The following RASAL2 variants were observed in gnomAD, a reference collection of about 807,000 sequenced individuals.
The protein encoded by RASAL2 is RAS protein activator like 2, also known as ras GTPase-activating protein nGAP.
A neutral mutation model predicts 128.9 loss-of-function variants in RASAL2; 58 were observed. The observed-to-expected ratio is 0.45, with a 90% CI of 0.36 to 0.56. The LOEUF is 0.56. Among genes scored for constraint, RASAL2 ranks in the 20% least tolerant of loss-of-function variants. The probability of loss-of-function intolerance (pLI) is 0.00; values close to 1 mark genes in which losing one functional copy is unlikely to be tolerated. For synonymous variants in RASAL2, 561 were observed against 580.8 expected (o/e 0.97, Z 0.49); for missense variants, 1,360 against 1,601.6 (o/e 0.85, Z 2.57).
chr1:178,104,092 G>A (rs1316899116), intron 1 of RASAL2, among the ~76,000 whole-genome samples: 1 of 151,868 alleles, frequency 6.6e-6, no homozygotes, highest in African/African-American at 2.4e-5. Flanking sequence ...TTCTCTCTTG[G>A]TTTATCTAGT....
At chr1:178,109,383 C>T (rs1466496792) in intron 1 of RASAL2, among the ~76,000 whole-genome samples, 3 of 152,110 alleles carry the variant, frequency 2.0e-5, no homozygotes, top group Admixed American at 6.5e-5. Context: ...ATTATAGGTG[C>T]ATGCTTCTCT....
At chr1:178,368,421 A>G (rs887970005) in intron 3 of RASAL2, among the ~76,000 whole-genome samples, 1 of 152,212 alleles carries the variant, frequency 6.6e-6, no homozygotes, top group East Asian at 1.9e-4. Flanking sequence ...ATGCATATAT[A>G]CAGACATGCA....
intron 1 of RASAL2, among the ~76,000 whole-genome samples, chr1:178,132,626 G>T (rs1471239075): frequency 6.6e-6 from 1 of 152,142 alleles, no homozygotes; most frequent in African/African-American, 2.4e-5. Context: ...AAGTTGAGGA[G>T]AAATCTCTTT....
At chr1:178,470,565 A>G (rs1001821890) in intron 17 of RASAL2, 2 of 601,360 alleles carry the variant, frequency 3.3e-6, no homozygotes, top group Admixed American at 2.5e-5. Flanking sequence ...GCATGAGGAG[A>G]CACTGTGGCT....
At chr1:178,371,335 C>CACACACACACACAAAT (rs1557936980) in intron 3 of RASAL2, among the ~76,000 whole-genome samples, 12 of 140,100 alleles carry the variant, frequency 8.6e-5, no homozygotes, top group African/African-American at 3.6e-4. Flanking sequence ...CACACACACA[C>CACACACACACACAAAT]ACACACACAC....
Position 178,094,680 on chromosome 1 carries a change from G to C in RASAL2, c.188G>C (p.Trp63Ser). The change falls in exon 1 of 18, where the codon TGG becomes TCG. Residue 63 changes from tryptophan (W) to serine (S), a missense_variant. This residue lies in a region of RASAL2 where 617 missense variants were observed against 714.2 expected (regional missense o/e 0.86). Transcript: ENST00000367649. ...GAGTCCGTGTGCCAGCAACAGAGCT[G>C]GGTCCGGGTGTACGGTAAGGACCAC... The part of the protein sequence containing the change: ...LLESVCQQQS[W>S]VRVYDVKGPP... The C allele has an allele frequency of 6.2e-7, 1 of 1,614,122 alleles. No individual in the cohort carries two copies. Among genetic ancestry groups the C allele is most frequent in the East Asian group, 2.2e-5 (1 of 44,882 alleles).
chr1:178,205,513 T>C (rs554421436), intron 1 of RASAL2, among the ~76,000 whole-genome samples: 1 of 151,900 alleles, frequency 6.6e-6, no homozygotes, highest in Non-Finnish European at 1.5e-5. Context: ...TCCCAGCACT[T>C]TGGGAGGCTG....
At chr1:178,261,225 G>T (rs2102133533) in intron 1 of RASAL2, among the ~76,000 whole-genome samples, 1 of 152,128 alleles carries the variant, frequency 6.6e-6, no homozygotes, top group Non-Finnish European at 1.5e-5. Flanking sequence ...AAGAACTCTG[G>T]AATTGTCCAA....
intron 1 of RASAL2, among the ~76,000 whole-genome samples, chr1:178,172,154 T>A (rs1276679529): frequency 6.6e-6 from 1 of 152,028 alleles, no homozygotes; most frequent in African/African-American, 2.4e-5. Context: ...CATGTCTATT[T>A]CATGAATTTG....
chr1:178,368,374 A>G (rs1671517897), intron 3 of RASAL2, among the ~76,000 whole-genome samples: 1 of 152,152 alleles, frequency 6.6e-6, no homozygotes, highest in Non-Finnish European at 1.5e-5. Flanking sequence ...GTAAACAGTA[A>G]ATGTCAGCCC....
At chr1:178,199,133 G>T (rs543700258) in intron 1 of RASAL2, among the ~76,000 whole-genome samples, 6 of 152,350 alleles carry the variant, frequency 3.9e-5, no homozygotes, top group African/African-American at 1.2e-4. Context: ...TAATCTCCTG[G>T]TGTGCCATTT....
Position 178,094,502 on chromosome 1 carries a change from T to G in RASAL2, c.10T>G (p.Ser4Ala). The G allele has an allele frequency of 6.4e-7, 1 of 1,556,044 alleles. No homozygotes were observed. Among genetic ancestry groups the G allele is most frequent in the Non-Finnish European group, 8.7e-7 (1 of 1,151,538 alleles). Reference protein sequence around the residue: MELSPSSGGAAEAL... With the variant: MELAPSSGGAAEAL... ...CCCGCCTCGGGGCACCATGGAGCTCTCTCCGTCGTCCGGAGGAGCCGCGGA... is the reference window on the plus strand; with the variant it reads ...CCCGCCTCGGGGCACCATGGAGCTCGCTCCGTCGTCCGGAGGAGCCGCGGA... The change falls in exon 1 of 18, where the codon TCT becomes GCT. Residue 4 changes from serine to alanine, a missense_variant. This residue lies in a region of RASAL2 where 617 missense variants were observed against 714.2 expected (regional missense o/e 0.86). Coordinates refer to ENST00000367649, the MANE Select transcript of RASAL2 (RefSeq NM_170692.4).
chr1:178,284,033 AT>A (rs1666908672), intron 2 of RASAL2, among the ~76,000 whole-genome samples: 1 of 152,308 alleles, frequency 6.6e-6, no homozygotes, highest in East Asian at 1.9e-4. Context: ...GCAAAAACAA[AT>A]GTCATTAATT....
chr1:178,372,418 AT>A (rs1671770162), intron 3 of RASAL2: 1 of 902,730 alleles, frequency 1.1e-6, no homozygotes, highest in Non-Finnish European at 1.3e-6. Context: ...CCACTTTTGT[AT>A]TTTTAAAAGG....
chr1:178,248,287 CTCT>C (rs372439531), intron 1 of RASAL2, among the ~76,000 whole-genome samples: 148 of 152,284 alleles, frequency 9.7e-4, no homozygotes, highest in African/African-American at 3.3e-3. Context: ...GGATAGTTAG[CTCT>C]TCTTGGTGCA....
At chr1:178,240,702 G>T (rs968809703) in intron 1 of RASAL2, among the ~76,000 whole-genome samples, 1 of 151,568 alleles carries the variant, frequency 6.6e-6, no homozygotes, top group South Asian at 2.1e-4. Flanking sequence ...CATTATAATT[G>T]TAACTATATA....
chr1:178,312,181 C>T (rs1571835440), intron 3 of RASAL2, among the ~76,000 whole-genome samples: 2 of 152,046 alleles, frequency 1.3e-5, no homozygotes, highest in South Asian at 2.1e-4. Context: ...AAATTTCCCA[C>T]CACTGAAAGA....
intron 1 of RASAL2, among the ~76,000 whole-genome samples, chr1:178,099,868 A>G (rs987963516): frequency 6.6e-6 from 1 of 152,128 alleles, no homozygotes; most frequent in African/African-American, 2.4e-5. Context: ...AGGCTGAGGC[A>G]GGAGAATCGC....
chr1:178,173,172 T>A (rs1167866843), intron 1 of RASAL2, among the ~76,000 whole-genome samples: 1 of 152,050 alleles, frequency 6.6e-6, no homozygotes, highest in Non-Finnish European at 1.5e-5. Context: ...CATAGCAACC[T>A]CTAGTTACTG....
Sources: gnomAD v4.1 joint callset for allele counts (sites outside exome capture counted in the v4.1 genomes callset) on GRCh38, gnomAD v4.1.1 for gene constraint, gnomAD v4.1.1 regional missense constraint, MANE v1.5 for transcripts, NCBI Gene and HGNC (gene_info 2026-07-23, HGNC 2026-07-21) for gene names.